Variants in RIMBP2 observed in about 807,000 individuals in gnomAD.
RIMBP2 encodes the protein RIMS-binding protein 2.
Under a neutral mutation model 118.6 loss-of-function variants are expected in RIMBP2, and 48 were observed. The observed-to-expected ratio is 0.40, with a 90% CI of 0.32 to 0.51. RIMBP2 has a LOEUF of 0.51. Ranked by LOEUF, RIMBP2 falls within the 20% of genes least tolerant of loss-of-function variation. RIMBP2 has a pLI of 0.41. For missense variants in RIMBP2, 1,551 were observed against 1,768.3 expected, an observed-to-expected ratio of 0.88 and a Z score of 2.20; for synonymous variants, 762 against 742.9, an observed-to-expected ratio of 1.03 and a Z score of -0.42.
Position 130,434,489 on chromosome 12 carries a change from G to A in RIMBP2, c.2253+245C>T, listed in dbSNP as rs887106560. Among the ~76,000 whole-genome samples, 4 of 152,182 alleles carry A rather than the reference G, an allele frequency of 2.6e-5. No homozygotes were observed. The highest frequency in any genetic ancestry group is 5.9e-5 in the Non-Finnish European group (4 of 68,030). ...ACCCCTATGACCGAATACCAGGATGGTGCAGCGGGGGAGGGTGGAAGCCCT... is the reference window on the plus strand; with the variant it reads ...ACCCCTATGACCGAATACCAGGATGATGCAGCGGGGGAGGGTGGAAGCCCT... On this transcript the variant is annotated intron_variant, in intron 14 of 22. Transcript: ENST00000690449. This position sits in a 1 kb window ranked among gnomAD's most constrained non-coding sequence, Gnocchi z 5.7.
At chr12:130,644,280 C>T (rs1416479208) in intron 1 of RIMBP2, among the ~76,000 whole-genome samples, 1 of 152,214 alleles carries the variant, frequency 6.6e-6, no homozygotes, top group Non-Finnish European at 1.5e-5. Flanking sequence ...TGAGGAAACA[C>T]ACCACGTCCT....
At chr12:130,465,193 C>T (rs2080346391) in intron 6 of RIMBP2, 1 of 152,216 alleles carries the variant, frequency 6.6e-6, no homozygotes, top group African/African-American at 2.4e-5. Context: ...ACGCTGGCCA[C>T]CCCGAAAGTC....
chr12:130,519,568 G>A (rs1332325849), intron 2 of RIMBP2, among the ~76,000 whole-genome samples: 2 of 152,190 alleles, frequency 1.3e-5, no homozygotes, highest in African/African-American at 4.8e-5. Flanking sequence ...GGTTGCTTGA[G>A]AGAACTGCAG....
At chr12:130,636,154 C>G (rs1389872668) in intron 1 of RIMBP2, among the ~76,000 whole-genome samples, 1 of 152,158 alleles carries the variant, frequency 6.6e-6, no homozygotes, top group African/African-American at 2.4e-5. Context: ...CACTCGCTAT[C>G]CCCCAATGAG....
intron 1 of RIMBP2, among the ~76,000 whole-genome samples, chr12:130,671,061 GA>G (rs2064173718): frequency 6.6e-6 from 1 of 152,188 alleles, no homozygotes; most frequent in African/African-American, 2.4e-5. Flanking sequence ...CACAGGCCGG[GA>G]AGGCTTCTGC....
intron 5 of RIMBP2, among the ~76,000 whole-genome samples, chr12:130,477,898 C>T (rs1182194378): frequency 6.6e-6 from 1 of 152,236 alleles, no homozygotes; most frequent in Non-Finnish European, 1.5e-5. Flanking sequence ...ACTCTGGCCA[C>T]AGGGGTGGCT....
At chr12:130,616,008 C>G (rs1282694280) in intron 2 of RIMBP2, among the ~76,000 whole-genome samples, 8 of 152,172 alleles carry the variant, frequency 5.3e-5, no homozygotes, top group Admixed American at 5.2e-4. Flanking sequence ...CTGGCAGGCA[C>G]CAGTCTCCCT....
intron 2 of RIMBP2, among the ~76,000 whole-genome samples, chr12:130,616,972 TG>T (rs1231725441): frequency 5.3e-5 from 8 of 152,160 alleles, no homozygotes; most frequent in Non-Finnish European, 8.8e-5. Flanking sequence ...TGGCGTCAGC[TG>T]CTGACCTGAA....
intron 1 of RIMBP2, among the ~76,000 whole-genome samples, chr12:130,635,818 G>A (rs535604511): frequency 7.9e-5 from 12 of 152,012 alleles, no homozygotes; most frequent in African/African-American, 2.4e-4. Context: ...ACATCTTATC[G>A]TCCTCCCAAC....
chr12:130,547,068 T>G (rs957085580), intron 2 of RIMBP2, among the ~76,000 whole-genome samples: 1 of 152,218 alleles, frequency 6.6e-6, no homozygotes, highest in Non-Finnish European at 1.5e-5. Context: ...GTCCCCCTAC[T>G]TCCACTGAGA....
intron 6 of RIMBP2, among the ~76,000 whole-genome samples, chr12:130,462,027 C>A (rs1336121251): frequency 1.3e-5 from 2 of 152,220 alleles, no homozygotes; most frequent in Non-Finnish European, 2.9e-5. Flanking sequence ...GGCTGACAGG[C>A]ATGTCTAGAG....
intron 2 of RIMBP2, among the ~76,000 whole-genome samples, chr12:130,579,467 C>G (rs761408165): frequency 2.0e-5 from 3 of 152,186 alleles, no homozygotes; most frequent in Non-Finnish European, 4.4e-5. Flanking sequence ...GGGAGCGGCT[C>G]TTGGGAGCGT....
At position 130,620,040 on chromosome 12, in the gene RIMBP2, G is replaced by A. The variant is rs760608873; in HGVS notation, c.-217+8282C>T. ...TGGTGTGCAGACTTGACTTGATGTC[G>A]AGAAAGAGGCTCCTGGACCCCTGCG... On this transcript the variant is annotated intron_variant, in intron 2 of 22. Transcript: ENST00000690449. The surrounding 1 kb of genome is among the most constrained non-coding windows in gnomAD (Gnocchi z 5.3). Among the ~76,000 whole-genome samples the A allele has an allele frequency of 1.6e-4, 24 of 152,236 alleles. No individual in the cohort carries two copies. The highest frequency in any genetic ancestry group is 2.9e-4 in the Non-Finnish European group (20 of 68,016).
chr12:130,611,247 G>A (rs773522295), intron 2 of RIMBP2, among the ~76,000 whole-genome samples: 65 of 152,166 alleles, frequency 4.3e-4, no homozygotes, highest in Non-Finnish European at 5.6e-4. Context: ...CCCATCCCAC[G>A]AGCTCTGTCC....
intron 1 of RIMBP2, among the ~76,000 whole-genome samples, chr12:130,662,613 AC>A (rs1220141151): frequency 1.3e-5 from 2 of 151,710 alleles, no homozygotes; most frequent in Admixed American, 1.3e-4. Flanking sequence ...CCAAGATCAC[AC>A]CCTTGTACTC....
intron 1 of RIMBP2, among the ~76,000 whole-genome samples, chr12:130,644,955 C>T (rs568445465): frequency 2.6e-4 from 39 of 152,312 alleles, no homozygotes; most frequent in African/African-American, 7.7e-4. Flanking sequence ...CAGTTGGGTC[C>T]GGGAGCCAGC....
chr12:130,642,063 G>A (rs1448954072), intron 1 of RIMBP2, among the ~76,000 whole-genome samples: 1 of 152,122 alleles, frequency 6.6e-6, no homozygotes, highest in East Asian at 1.9e-4. Context: ...CACGTCTCTG[G>A]TGCTAAAGCC....
chr12:130,708,677 C>A (rs1474295256), intron 1 of RIMBP2, among the ~76,000 whole-genome samples: 1 of 152,128 alleles, frequency 6.6e-6, no homozygotes. Flanking sequence ...CACAGTGAGA[C>A]CCTGTCTCAA....
intron 6 of RIMBP2, among the ~76,000 whole-genome samples, chr12:130,461,126 T>C (rs1448236216): frequency 1.3e-5 from 2 of 152,090 alleles, no homozygotes; most frequent in Non-Finnish European, 1.5e-5. Context: ...CATTTCCACA[T>C]GAGATGTGGA....
Sources: allele counts gnomAD v4.1 joint callset (sites outside exome capture counted in the v4.1 genomes callset), GRCh38; gene constraint gnomAD v4.1.1; non-coding constraint Gnocchi (gnomAD v3.1); transcripts MANE v1.5; gene names NCBI Gene and HGNC (gene_info 2026-07-23, HGNC 2026-07-21).